ARNT2: variants seen among roughly 807,000 people sequenced by gnomAD.
ARNT2 encodes the protein ARNT protein 2.
In ARNT2, 36 loss-of-function variants were observed where a neutral mutation model predicts 91.7. The ratio of observed to expected loss-of-function variants is 0.39; its 90% CI spans 0.30 to 0.52. The LOEUF (loss-of-function observed/expected upper bound fraction) is 0.52, where lower values mean the gene tolerates loss of function less well. Ranked by LOEUF, ARNT2 falls within the 20% of genes least tolerant of loss-of-function variation. The pLI is 0.72. For synonymous variants in ARNT2, 365 were observed against 347.1 expected (o/e 1.05, Z -0.57); for missense variants, 775 against 939.3 (o/e 0.83, Z 2.29).
chr15:80,492,703 T>G (rs1011733161), intron 5 of ARNT2, among the ~76,000 whole-genome samples: 7 of 152,206 alleles, frequency 4.6e-5, no homozygotes, highest in African/African-American at 1.7e-4. Flanking sequence ...TTTGTGAGTG[T>G]GTATGTGTGT....
intron 5 of ARNT2, among the ~76,000 whole-genome samples, chr15:80,480,241 C>T (rs1486771005): frequency 1.3e-5 from 2 of 151,940 alleles, no homozygotes; most frequent in African/African-American, 4.8e-5. Context: ...GAGGAGAGGC[C>T]CAGGGCATTC....
At chr15:80,561,353 C>T (rs981433280) in intron 11 of ARNT2, among the ~76,000 whole-genome samples, 9 of 152,190 alleles carry the variant, frequency 5.9e-5, no homozygotes, top group Non-Finnish European at 1.3e-4. Flanking sequence ...AGAACTCCTG[C>T]TCACTGTATT....
intron 17 of ARNT2, among the ~76,000 whole-genome samples, chr15:80,583,282 C>T (rs1199789519): frequency 6.6e-6 from 1 of 152,254 alleles, no homozygotes; most frequent in Non-Finnish European, 1.5e-5. Flanking sequence ...GTGGCAAGGT[C>T]TTGGAGCATC....
At chr15:80,466,092 C>T (rs1318261463) in intron 3 of ARNT2, among the ~76,000 whole-genome samples, 1 of 152,228 alleles carries the variant, frequency 6.6e-6, no homozygotes, top group Non-Finnish European at 1.5e-5. Flanking sequence ...AGTCTGCTTG[C>T]TCCGGGTCTA....
intron 3 of ARNT2, among the ~76,000 whole-genome samples, chr15:80,463,645 C>G (rs1896597796): frequency 6.9e-6 from 1 of 145,038 alleles, no homozygotes; most frequent in South Asian, 2.2e-4. Context: ...ATGGCGCGGT[C>G]TCGGTTCACT....
At chr15:80,571,995 T>C (rs1427054703) in intron 12 of ARNT2, among the ~76,000 whole-genome samples, 1 of 152,186 alleles carries the variant, frequency 6.6e-6, no homozygotes, top group Non-Finnish European at 1.5e-5. Flanking sequence ...CACCTGTCCA[T>C]TTATGGCCAC....
At chr15:80,509,410 C>G (rs1158587655) in intron 6 of ARNT2, among the ~76,000 whole-genome samples, 1 of 151,854 alleles carries the variant, frequency 6.6e-6, no homozygotes, top group Non-Finnish European at 1.5e-5. Context: ...CCACTGCACC[C>G]CAGCCTGGGT....
chr15:80,580,703 C>T (rs1312224002), intron 16 of ARNT2, 154 bp downstream of exon 16: 3 of 982,536 alleles, frequency 3.1e-6, no homozygotes, highest in East Asian at 5.3e-5. Context: ...GCACCATCCA[C>T]CCTCAGGGCT....
At chr15:80,461,784 CA>C in intron 3 of ARNT2, among the ~76,000 whole-genome samples, 1 of 152,142 alleles carries the variant, frequency 6.6e-6, no homozygotes, top group Middle Eastern at 3.4e-3. Context: ...GCCAAGGAGG[CA>C]AAAAGGAGTG....
chr15:80,568,661 A>T (rs1427082451), intron 12 of ARNT2, among the ~76,000 whole-genome samples: 3 of 152,218 alleles, frequency 2.0e-5, no homozygotes, highest in African/African-American at 7.2e-5. Context: ...GGGCTGAAAC[A>T]GCCAGTCACC....
At chr15:80,462,104 C>T (rs1242142645) in intron 3 of ARNT2, among the ~76,000 whole-genome samples, 1 of 152,108 alleles carries the variant, frequency 6.6e-6, no homozygotes, top group African/African-American at 2.4e-5. Flanking sequence ...GCCAGTCCTG[C>T]CCAGCACGTC....
chr15:80,552,384 C>A (rs938811988), intron 9 of ARNT2, among the ~76,000 whole-genome samples: 1 of 152,112 alleles, frequency 6.6e-6, no homozygotes, highest in Non-Finnish European at 1.5e-5. Context: ...TCACAAATGC[C>A]CTGTGAGATT....
chr15:80,431,739 G>T (rs1183296630), intron 1 of ARNT2, among the ~76,000 whole-genome samples: 1 of 152,160 alleles, frequency 6.6e-6, no homozygotes, highest in Admixed American at 6.5e-5. Context: ...TATCCAGCAG[G>T]GATCCTCATT....
At chr15:80,564,504 C>A (rs538601518) in intron 12 of ARNT2, among the ~76,000 whole-genome samples, 2 of 151,162 alleles carry the variant, frequency 1.3e-5, no homozygotes, top group South Asian at 2.1e-4. Flanking sequence ...CATGAGAGAA[C>A]CCTCAGAGGG....
At chr15:80,439,315 G>A (rs1033091292) in intron 1 of ARNT2, among the ~76,000 whole-genome samples, 2 of 152,152 alleles carry the variant, frequency 1.3e-5, no homozygotes, top group African/African-American at 2.4e-5. Context: ...CCTGAGTATC[G>A]TAAGGCCATT....
chr15:80,436,511 G>C (rs117805827), intron 1 of ARNT2: 3,465 of 154,490 alleles, frequency 0.022, 52 homozygotes, highest in Non-Finnish European at 0.039. Context: ...TGTACAGGAA[G>C]TGCATGTTGC....
At chr15:80,575,131 G>C in intron 14 of ARNT2, 21 bp downstream of exon 14, 2 of 1,610,466 alleles carry the variant, frequency 1.2e-6, no homozygotes, top group Non-Finnish European at 8.5e-7. Flanking sequence ...AAATGGTACT[G>C]AGGTTTTGAG....
At position 80,419,190 on chromosome 15, in the gene ARNT2, C is replaced by T. The variant is rs112352954; in HGVS notation, c.31+14644C>T. Reference sequence around the variant, plus strand: ...GTAAAAACACAAAGTGCTGCCCCATCTCAGTTTTGGAGTCAGTCGTTCAGG... The same window carrying T: ...GTAAAAACACAAAGTGCTGCCCCATTTCAGTTTTGGAGTCAGTCGTTCAGG... On this transcript the variant is annotated intron_variant, in intron 1 of 18. Coordinates refer to ENST00000303329, the MANE Select transcript of ARNT2 (RefSeq NM_014862.4). Among the ~76,000 whole-genome samples, 1,249 of 152,262 alleles carry T rather than the reference C, an allele frequency of 8.2e-3. 13 individuals carry two copies. Among genetic ancestry groups the T allele is most frequent in the African/African-American group, 0.028 (1,182 of 41,558 alleles).
At chr15:80,538,577 G>A (rs1248278795) in intron 8 of ARNT2, among the ~76,000 whole-genome samples, 2 of 152,150 alleles carry the variant, frequency 1.3e-5, no homozygotes, top group African/African-American at 2.4e-5. Context: ...ATATCAAGGG[G>A]ATGTGGCCAA....
Sources: allele counts gnomAD v4.1 joint callset (sites outside exome capture counted in the v4.1 genomes callset), GRCh38; gene constraint gnomAD v4.1.1; transcripts MANE v1.5; gene names NCBI Gene and HGNC (gene_info 2026-07-23, HGNC 2026-07-21).